RANBP2: variants seen among roughly 807,000 people sequenced by gnomAD.
The protein encoded by RANBP2 is E3 SUMO-protein ligase RanBP2.
In RANBP2, 57 loss-of-function variants were observed where a neutral mutation model predicts 303.6. That is an observed-to-expected ratio of 0.19 (90% CI 0.15 to 0.23). The LOEUF is 0.23. Among genes scored for constraint, RANBP2 ranks in the 10% least tolerant of loss-of-function variants. RANBP2 has a pLI of 1.00. For synonymous variants in RANBP2, 1,167 were observed against 1,301.5 expected, an observed-to-expected ratio of 0.90 and a Z score of 2.23; for missense variants, 3,138 against 3,780.8, an observed-to-expected ratio of 0.83 and a Z score of 4.46.
chr2:108,987,979 C>G, the RANBP2 span, among the ~76,000 whole-genome samples: 2 of 152,172 alleles, frequency 1.3e-5, no homozygotes, highest in Non-Finnish European at 1.5e-5. Context: ...TTCTTTGTTA[C>G]ACTTTCACTC....
the RANBP2 span, among the ~76,000 whole-genome samples, chr2:109,139,312 C>CTT: frequency 1.5e-4 from 22 of 146,292 alleles, no homozygotes; most frequent in African/African-American, 5.2e-4. Flanking sequence ...TGAGACTGAC[C>CTT]TTTTTTTTTT....
At chr2:109,034,398 A>G in the RANBP2 span, among the ~76,000 whole-genome samples, 2 of 152,136 alleles carry the variant, frequency 1.3e-5, no homozygotes, top group Admixed American at 1.3e-4. Flanking sequence ...CCCCAGGGCC[A>G]TGCCCCAGAG....
At chr2:108,897,236 ACACCAATGGC>A in the RANBP2 span, 1 of 1,612,948 alleles carries the variant, frequency 6.2e-7, no homozygotes, top group Admixed American at 1.7e-5. Context: ...AGACCTACAG[ACACCAATGGC>A]CACAGTTAGA....
At chr2:108,754,780 T>TTAC (rs1676168180) in intron 15 of RANBP2, 125 bp from the exon 16 acceptor site, 1 of 1,387,920 alleles carries the variant, frequency 7.2e-7, no homozygotes, top group African/African-American at 1.6e-5. Context: ...ACGTGTATTA[T>TTAC]TTAAAGTGTA....
At chr2:109,599,995 G>A in the RANBP2 span, among the ~76,000 whole-genome samples, 1 of 152,112 alleles carries the variant, frequency 6.6e-6, no homozygotes, top group Admixed American at 6.5e-5. Context: ...GCAATACCTA[G>A]TCCTGTGGCC....
the RANBP2 span, among the ~76,000 whole-genome samples, chr2:109,493,070 C>T: frequency 1.3e-5 from 2 of 151,916 alleles, no homozygotes; most frequent in African/African-American, 4.8e-5. Flanking sequence ...ACACACACAC[C>T]ACACATACAC....
the RANBP2 span, among the ~76,000 whole-genome samples, chr2:109,596,445 G>A: frequency 4.0e-5 from 6 of 151,762 alleles, no homozygotes; most frequent in African/African-American, 1.2e-4. Context: ...GTGAAACCCC[G>A]TCTCTACTAA....
chr2:108,888,152 G>A, the RANBP2 span, among the ~76,000 whole-genome samples: 2 of 151,980 alleles, frequency 1.3e-5, no homozygotes, highest in Non-Finnish European at 2.9e-5. Context: ...TTTTGTTGAT[G>A]TGATATGTCA....
At chr2:109,255,456 G>T in the RANBP2 span, among the ~76,000 whole-genome samples, 1 of 152,222 alleles carries the variant, frequency 6.6e-6, no homozygotes, top group Non-Finnish European at 1.5e-5. Context: ...CACATTCAGG[G>T]TTGGACTGGG....
the RANBP2 span, among the ~76,000 whole-genome samples, chr2:109,558,802 A>G: frequency 1.3e-5 from 2 of 152,198 alleles, no homozygotes; most frequent in Non-Finnish European, 1.5e-5. Context: ...AGATAGATAT[A>G]ATACTGAGGG....
the RANBP2 span, among the ~76,000 whole-genome samples, chr2:109,406,074 G>A: frequency 1.3e-5 from 2 of 152,200 alleles, no homozygotes; most frequent in Non-Finnish European, 2.9e-5. Flanking sequence ...GCGTGCAGCC[G>A]GCTGAGCCTC....
At chr2:108,726,767 A>C (rs1292235488) in intron 1 of RANBP2, among the ~76,000 whole-genome samples, 2 of 152,012 alleles carry the variant, frequency 1.3e-5, no homozygotes, top group African/African-American at 2.4e-5. Context: ...TTTCCTAGGC[A>C]GAGGACCCTG....
the RANBP2 span, chr2:109,545,697 T>C: frequency 1.4e-6 from 2 of 1,460,126 alleles, no homozygotes; most frequent in South Asian, 1.5e-5. Flanking sequence ...AAATAACTCA[T>C]GGTAGGTCAG....
the RANBP2 span, among the ~76,000 whole-genome samples, chr2:109,100,451 T>C: frequency 6.6e-6 from 1 of 152,098 alleles, no homozygotes; most frequent in Non-Finnish European, 1.5e-5. Flanking sequence ...TCTCAGTCCG[T>C]GGAAAAATTA....
rs749924897 is a variant in RANBP2 at position 108,765,219 on chromosome 2, T to C, written c.4680T>C (p.Ala1560=). Reference sequence around the variant, plus strand: ...GCTTAGTGCGAAATGAAGCAAATGCTACAAGATGTGTTGCTTGTCAGAATC... The same window carrying C: ...GCTTAGTGCGAAATGAAGCAAATGCCACAAGATGTGTTGCTTGTCAGAATC... The part of the protein sequence containing the change: ...SSCLVRNEAN[A]TRCVACQNPD... Residue 1560 remains alanine (A), a synonymous_variant, in exon 20 of 29, where the codon GCT becomes GCC. Coordinates refer to ENST00000283195, the MANE Select transcript of RANBP2 (RefSeq NM_006267.5). The C allele has an allele frequency of 6.2e-7, 1 of 1,614,170 alleles. No individual in the cohort carries two copies. The highest frequency in any genetic ancestry group is 1.1e-5 in the South Asian group (1 of 91,084).
At chr2:108,949,387 T>C in the RANBP2 span, among the ~76,000 whole-genome samples, 2 of 152,200 alleles carry the variant, frequency 1.3e-5, no homozygotes, top group Non-Finnish European at 2.9e-5. Flanking sequence ...ATTTTGCTTT[T>C]CAGTCAGTGG....
At chr2:109,604,303 A>ACTGCACTCCAGC in the RANBP2 span, among the ~76,000 whole-genome samples, 1 of 145,306 alleles carries the variant, frequency 6.9e-6, no homozygotes, top group East Asian at 2.1e-4. Flanking sequence ...AGACTGCGCC[A>ACTGCACTCCAGC]CTGCACTCCA....
chr2:108,760,209 A>G (rs1386712397), intron 18 of RANBP2, among the ~76,000 whole-genome samples: 8 of 152,228 alleles, frequency 5.3e-5, no homozygotes, highest in Non-Finnish European at 1.2e-4. Flanking sequence ...GAAGAAAACT[A>G]AAAGCTAACC....
At chr2:109,659,018 T>C in the RANBP2 span, among the ~76,000 whole-genome samples, 11 of 151,862 alleles carry the variant, frequency 7.2e-5, no homozygotes, top group African/African-American at 2.7e-4. Context: ...TAAGCCAAGA[T>C]CACGCCATTG....
Sources: allele counts gnomAD v4.1 joint callset (sites outside exome capture counted in the v4.1 genomes callset), GRCh38; gene constraint gnomAD v4.1.1; transcripts MANE v1.5; gene names NCBI Gene and HGNC (gene_info 2026-07-23, HGNC 2026-07-21).